Variants in SIRPA observed in about 807,000 individuals in gnomAD.
SIRPA encodes the protein tyrosine-protein phosphatase non-receptor type substrate 1.
In SIRPA, 9 loss-of-function variants were observed where a neutral mutation model predicts 50.3. The observed-to-expected ratio is 0.18, with a 90% CI of 0.11 to 0.31. The LOEUF is 0.31. Among genes scored for constraint, SIRPA ranks in the 10% least tolerant of loss-of-function variants. SIRPA has a pLI of 1.00. For synonymous variants in SIRPA, 265 were observed against 284.1 expected (o/e 0.93, Z 0.68); for missense variants, 474 against 661.6 (o/e 0.72, Z 3.11).
Position 1,932,699 on chromosome 20 carries a change from G to T in SIRPA, c.1227-2016G>T, listed in dbSNP as rs990067409. Among the ~76,000 whole-genome samples the T allele has an allele frequency of 6.6e-5, 10 of 152,184 alleles. No individual in the cohort carries two copies. The highest frequency in any genetic ancestry group is 2.4e-4 in the African/African-American group (10 of 41,430). ...TAGAGGTGGGGAGATCAAGGAGGAGGTTCTTCAGGAATCAGGGGAGTTCGG... is the reference window on the plus strand; with the variant it reads ...TAGAGGTGGGGAGATCAAGGAGGAGTTTCTTCAGGAATCAGGGGAGTTCGG... On this transcript the variant is annotated intron_variant, in intron 6 of 7. Transcript: ENST00000358771. This position sits in a 1 kb window ranked among gnomAD's most constrained non-coding sequence, Gnocchi z 6.0.
At position 1,937,857 on chromosome 20, in the gene SIRPA, C is replaced by A. The variant is rs901709914; in HGVS notation, c.*289C>A. ...GCCAGAACTGCCTGGGGTCCAAGAA[C>A]TCTTGTGCCTCCGTCCATCACCATG... is the stretch of plus-strand genomic sequence containing the variant. On this transcript the variant is annotated 3_prime_UTR_variant, in exon 8 of 8. Coordinates refer to ENST00000358771, the MANE Select transcript of SIRPA (RefSeq NM_001040023.2). This position sits in a 1 kb window ranked among gnomAD's most constrained non-coding sequence, Gnocchi z 8.3. 11 of 456,636 alleles carry A rather than the reference C, an allele frequency of 2.4e-5. 1 individual carries two copies. In the Admixed American group the frequency reaches 3.5e-4, roughly 14 times the overall value. The allele number at this position is 456,636 out of a possible 1,614,324, so 28.3% of individuals were successfully genotyped here.
upstream of SIRPA, chr20:1,895,199 T>G: frequency 2.7e-6 from 1 of 374,980 alleles, no homozygotes; most frequent in Admixed American, 4.9e-5. Context: ...CGCCCCTGGC[T>G]TTATTTCTCG....
upstream of SIRPA, chr20:1,894,661 G>C (rs2122913817): frequency 6.7e-6 from 1 of 150,030 alleles, no homozygotes; most frequent in South Asian, 2.1e-4. The surrounding 1 kb of genome is among the most constrained non-coding windows in gnomAD (Gnocchi z 4.0). Flanking sequence ...GGCTCGCGGG[G>C]CCGCCTTCCC....
At position 1,927,383 on chromosome 20, in the gene SIRPA, C is replaced by T. The variant is rs527306579; in HGVS notation, c.1202-492C>T. On this transcript the variant is annotated intron_variant, in intron 5 of 7. Coordinates refer to ENST00000358771, the MANE Select transcript of SIRPA (RefSeq NM_001040023.2). The surrounding 1 kb of genome is among the most constrained non-coding windows in gnomAD (Gnocchi z 6.5). ...TAAATAAATGGATGCTCAGCCCAACCCTGCAAGTTATAGAAGCTGAGAGAG... is the reference window on the plus strand; with the variant it reads ...TAAATAAATGGATGCTCAGCCCAACTCTGCAAGTTATAGAAGCTGAGAGAG... Among the ~76,000 whole-genome samples, 36 of 152,248 alleles carry T rather than the reference C, an allele frequency of 2.4e-4. No homozygotes were observed. Among genetic ancestry groups the T allele is most frequent in the Admixed American group, 2.0e-4 (3 of 15,296 alleles).
At chr20:1,902,288 C>T (rs895838008) in intron 1 of SIRPA, among the ~76,000 whole-genome samples, 5 of 152,112 alleles carry the variant, frequency 3.3e-5, no homozygotes, top group Non-Finnish European at 5.9e-5. Flanking sequence ...ACCCTCACCA[C>T]GAGCCAAACA....
intron 1 of SIRPA, among the ~76,000 whole-genome samples, chr20:1,911,589 T>C (rs1208392566): frequency 1.3e-5 from 2 of 152,174 alleles, no homozygotes; most frequent in Admixed American, 1.3e-4. Flanking sequence ...CTTTTTCTAA[T>C]GTCTTTAAGA....
intron 1 of SIRPA, among the ~76,000 whole-genome samples, chr20:1,912,783 T>C (rs1984975528): frequency 6.6e-6 from 1 of 152,200 alleles, no homozygotes; most frequent in South Asian, 2.1e-4. Flanking sequence ...AGGGGAGCCA[T>C]GCTGTCACCC....
chr20:1,934,004 A>G lies in SIRPA; in HGVS notation c.1227-711A>G, dbSNP rs576107350. 4.4e-3 allele frequency among the ~76,000 whole-genome samples: 666 copies of G among 152,368 alleles called. 2 individuals are homozygous for G. Among genetic ancestry groups the G allele is most frequent in the African/African-American group, 0.015 (626 of 41,592 alleles). On this transcript the variant is annotated intron_variant, in intron 6 of 7. Transcript: ENST00000358771. This position sits in a 1 kb window ranked among gnomAD's most constrained non-coding sequence, Gnocchi z 4.6. ...ATGGGAAACTAAAAAGGAGAAAAAA[A>G]ATACCATGCAAAGACCACTGCAGTT...
intron 1 of SIRPA, among the ~76,000 whole-genome samples, chr20:1,910,094 A>G (rs977696522): frequency 3.3e-5 from 5 of 152,158 alleles, no homozygotes; most frequent in African/African-American, 1.2e-4. Flanking sequence ...GGTTAGGTAC[A>G]TTCCAGATGT....
intron 1 of SIRPA, among the ~76,000 whole-genome samples, chr20:1,913,646 TCTC>T (rs1404869040): frequency 1.3e-5 from 2 of 152,198 alleles, no homozygotes; most frequent in Non-Finnish European, 2.9e-5. Flanking sequence ...TACCTGGTTC[TCTC>T]CTTCTCCCCT....
intron 4 of SIRPA, among the ~76,000 whole-genome samples, chr20:1,923,892 C>A (rs1182906304): frequency 6.6e-6 from 1 of 152,222 alleles, no homozygotes. Flanking sequence ...TTATCTTGCT[C>A]AGCATTGTAG....
chr20:1,903,856 C>G (rs986796390), intron 1 of SIRPA, among the ~76,000 whole-genome samples: 1 of 152,178 alleles, frequency 6.6e-6, no homozygotes, highest in Non-Finnish European at 1.5e-5. Context: ...CCTAGTGCTC[C>G]TAGCCCTTTC....
chr20:1,937,653 G>C lies in SIRPA; in HGVS notation c.*85G>C, dbSNP rs1986669213. 1 of 1,540,676 alleles carries C rather than the reference G, an allele frequency of 6.5e-7. No homozygotes were observed. The highest frequency in any genetic ancestry group is 8.8e-7 in the Non-Finnish European group (1 of 1,138,708). On this transcript the variant is annotated 3_prime_UTR_variant, in exon 8 of 8. Coordinates refer to ENST00000358771, the MANE Select transcript of SIRPA (RefSeq NM_001040023.2). The surrounding 1 kb of genome is among the most constrained non-coding windows in gnomAD (Gnocchi z 8.3). ...CGCCGTGATGAGCACAGCCAACCCA[G>C]TTCCCGGAGGGCTGGGGCGGTGCAG...
chr20:1,903,558 C>T (rs1280096938), intron 1 of SIRPA, among the ~76,000 whole-genome samples: 1 of 152,182 alleles, frequency 6.6e-6, no homozygotes, highest in African/African-American at 2.4e-5. Flanking sequence ...TTTTCGGTTT[C>T]CAGCATGGCA....
At chr20:1,916,265 G>A (rs1471830629) in intron 2 of SIRPA, among the ~76,000 whole-genome samples, 4 of 152,106 alleles carry the variant, frequency 2.6e-5, no homozygotes, top group Non-Finnish European at 5.9e-5. Context: ...TTCTAACTCC[G>A]AATCCTGGGA....
intron 1 of SIRPA, among the ~76,000 whole-genome samples, chr20:1,908,651 TG>T (rs1203232770): frequency 6.6e-6 from 1 of 152,192 alleles, no homozygotes; most frequent in Non-Finnish European, 1.5e-5. Flanking sequence ...CATACATGTA[TG>T]TACACACGTG....
chr20:1,895,166 C>G, upstream of SIRPA: 1 of 320,680 alleles, frequency 3.1e-6, no homozygotes, highest in Non-Finnish European at 5.6e-6. Context: ...GTCTGTTTCT[C>G]TCTCCTGCCG....
At chr20:1,930,361 C>A (rs1342224256) in intron 6 of SIRPA, among the ~76,000 whole-genome samples, 1 of 152,206 alleles carries the variant, frequency 6.6e-6, no homozygotes, top group East Asian at 1.9e-4. Flanking sequence ...AGGTTCACTG[C>A]AAATAGCTGC....
At chr20:1,899,531 T>A (rs1568492198) in intron 1 of SIRPA, among the ~76,000 whole-genome samples, 1 of 152,206 alleles carries the variant, frequency 6.6e-6, no homozygotes, top group East Asian at 1.9e-4. Flanking sequence ...TTTCTACAGA[T>A]CCATGCCCTC....
Sources: allele counts gnomAD v4.1 joint callset (sites outside exome capture counted in the v4.1 genomes callset), GRCh38; gene constraint gnomAD v4.1.1; non-coding constraint Gnocchi (gnomAD v3.1); transcripts MANE v1.5; gene names NCBI Gene and HGNC (gene_info 2026-07-23, HGNC 2026-07-21).